The following IQCH variants were observed in gnomAD, a reference collection of about 807,000 sequenced individuals.
IQCH encodes IQ motif containing H, also known as IQ domain-containing protein H.
In IQCH, 98 loss-of-function variants were observed where a neutral mutation model predicts 117.0. The ratio of observed to expected loss-of-function variants is 0.84; its 90% CI spans 0.71 to 0.99. The LOEUF (loss-of-function observed/expected upper bound fraction) is 0.99, where lower values mean the gene tolerates loss of function less well. Among genes scored for constraint, IQCH ranks in the 50% least tolerant of loss-of-function variants. IQCH has a pLI of 0.00. For missense variants in IQCH, 1,102 were observed against 1,243.8 expected (o/e 0.89, Z 1.72); for synonymous variants, 412 against 448.2 (o/e 0.92, Z 1.02).
chr15:67,442,867 T>TAG (rs1567193299), intron 16 of IQCH, among the ~76,000 whole-genome samples: 3 of 114,474 alleles, frequency 2.6e-5, no homozygotes, highest in African/African-American at 9.7e-5. Flanking sequence ...TAGATAGATA[T>TAG]ACATATATAT....
chr15:67,361,416 C>T (rs894874345), intron 8 of IQCH, among the ~76,000 whole-genome samples: 1 of 152,192 alleles, frequency 6.6e-6, no homozygotes, highest in South Asian at 2.1e-4. Context: ...TAGTAAATGA[C>T]AGAGCCAACA....
rs527655649 is a variant in IQCH at position 67,474,179 on chromosome 15, T to C, written c.2677-1517T>C. The stretch of plus-strand genomic sequence containing the variant: ...AGCACTCAGTCAGCCCCAGTTCCCT[T>C]GCGTTATCTCAGAGACAGGAGGCGA... On this transcript the variant is annotated intron_variant, in intron 17 of 20. Coordinates refer to ENST00000335894, the MANE Select transcript of IQCH (RefSeq NM_001031715.3). The surrounding 1 kb of genome is among the most constrained non-coding windows in gnomAD (Gnocchi z 4.1). Among the ~76,000 whole-genome samples the C allele has an allele frequency of 4.0e-5, 6 of 151,558 alleles. No individual in the cohort carries two copies. The highest frequency in any genetic ancestry group is 2.1e-4 in the South Asian group (1 of 4,764).
rs1567170026 is a variant in IQCH at position 67,416,529 on chromosome 15, GAAAAAAC to G, written c.2098-389_2098-383del. Among the ~76,000 whole-genome samples, 3 of 150,046 alleles carry G rather than the reference GAAAAAAC, an allele frequency of 2.0e-5. No individual in the cohort carries two copies. The highest frequency in any genetic ancestry group is 3.0e-5 in the Non-Finnish European group (2 of 67,418). The stretch of plus-strand genomic sequence containing the variant: ...CAAAACTGCGTCTCAAAAAAAAAAA[GAAAAAAC>G]AAAAAACAAAAACAAAAAAAACAGT... On this transcript the variant is annotated intron_variant, in intron 14 of 20. Coordinates refer to ENST00000335894, the MANE Select transcript of IQCH (RefSeq NM_001031715.3). The surrounding 1 kb of genome is among the most constrained non-coding windows in gnomAD (Gnocchi z 5.1).
intron 15 of IQCH, among the ~76,000 whole-genome samples, chr15:67,418,351 T>C (rs527671507): frequency 4.6e-5 from 7 of 152,172 alleles, no homozygotes; most frequent in African/African-American, 1.7e-4. Context: ...TCTAACAAGA[T>C]TGCTGGAAAG....
At chr15:67,287,834 A>G (rs1185476014) in intron 4 of IQCH, among the ~76,000 whole-genome samples, 1 of 151,658 alleles carries the variant, frequency 6.6e-6, no homozygotes, top group African/African-American at 2.4e-5. Context: ...TTGTTAGGTT[A>G]TTTATTTGAA....
Position 67,376,772 on chromosome 15 carries a change from G to A in IQCH, c.1372+3339G>A, listed in dbSNP as rs868613467. Among the ~76,000 whole-genome samples, 4 of 152,082 alleles carry A rather than the reference G, an allele frequency of 2.6e-5. No individual in the cohort carries two copies. The highest frequency in any genetic ancestry group is 9.7e-5 in the African/African-American group (4 of 41,390). Reference sequence around the variant, plus strand: ...TTTATAAAGTATTTTAAAATCTGTGGCTTGGTAATATGAACAGTAAGACAA... The same window carrying A: ...TTTATAAAGTATTTTAAAATCTGTGACTTGGTAATATGAACAGTAAGACAA... On this transcript the variant is annotated intron_variant, in intron 10 of 20. Transcript: ENST00000335894. This position sits in a 1 kb window ranked among gnomAD's most constrained non-coding sequence, Gnocchi z 5.0.
chr15:67,285,839 C>T (rs940009311), intron 4 of IQCH, among the ~76,000 whole-genome samples: 7 of 152,102 alleles, frequency 4.6e-5, no homozygotes, highest in Non-Finnish European at 1.0e-4. Context: ...GTTACTATAG[C>T]TTTGTAGTAT....
intron 4 of IQCH, among the ~76,000 whole-genome samples, chr15:67,293,265 CT>C (rs1966811244): frequency 6.6e-6 from 1 of 152,162 alleles, no homozygotes; most frequent in Non-Finnish European, 1.5e-5. Context: ...TCTCATGGAG[CT>C]TACATTCTAA....
intron 8 of IQCH, 54 bp from the exon 9 acceptor site, chr15:67,372,057 T>G: frequency 6.9e-7 from 1 of 1,448,726 alleles, no homozygotes; most frequent in East Asian, 2.3e-5. Flanking sequence ...ACCACTCATT[T>G]AAAGGAGATC....
intron 10 of IQCH, among the ~76,000 whole-genome samples, chr15:67,379,396 G>A (rs1970844942): frequency 6.6e-6 from 1 of 152,132 alleles, no homozygotes; most frequent in African/African-American, 2.4e-5. Context: ...TTTGTAACTT[G>A]TAAGAGAACA....
At chr15:67,337,678 G>A (rs907069601) in intron 5 of IQCH, among the ~76,000 whole-genome samples, 8 of 152,138 alleles carry the variant, frequency 5.3e-5, no homozygotes, top group Middle Eastern at 3.2e-3. Flanking sequence ...GAATAAGCAA[G>A]CGAGTGACCA....
chr15:67,374,061 TAAAA>T (rs1567137475), intron 10 of IQCH: 2 of 152,542 alleles, frequency 1.3e-5, no homozygotes, highest in Non-Finnish European at 2.9e-5. Context: ...TTGGGGAACT[TAAAA>T]GCTGTTGTCT....
At chr15:67,267,429 G>A (rs1000740294) in intron 3 of IQCH, among the ~76,000 whole-genome samples, 5 of 152,240 alleles carry the variant, frequency 3.3e-5, no homozygotes, top group Non-Finnish European at 5.9e-5. Context: ...TCTCTGGGAT[G>A]AGCATGACTG....
chr15:67,336,867 T>C, intron 4 of IQCH, 108 bp from the exon 5 acceptor site: 2 of 1,082,246 alleles, frequency 1.8e-6, no homozygotes, highest in Admixed American at 4.8e-5. Context: ...ATTGCTACTT[T>C]ATTAAAACTT....
At chr15:67,410,924 G>C (rs1432036074) in intron 14 of IQCH, among the ~76,000 whole-genome samples, 1 of 152,128 alleles carries the variant, frequency 6.6e-6, no homozygotes, top group Non-Finnish European at 1.5e-5. Context: ...TAGCAATTGG[G>C]TTTGAATCCC....
chr15:67,333,683 A>G (rs927950798), intron 4 of IQCH, among the ~76,000 whole-genome samples: 2 of 152,234 alleles, frequency 1.3e-5, no homozygotes, highest in East Asian at 3.8e-4. Context: ...ATATGCCAAA[A>G]TATTAACAAT....
rs1326183282 is a variant in IQCH, at chr15:67,436,969, C to T, written c.2505+15392C>T. Among the ~76,000 whole-genome samples, 1 of 152,002 alleles carries T rather than the reference C, an allele frequency of 6.6e-6. No homozygotes were observed. Among genetic ancestry groups the T allele is most frequent in the Non-Finnish European group, 1.5e-5 (1 of 68,010 alleles). ...ACCTGATGGTCCTTCCCTATCCACC[C>T]TGGTAGCAGAAGACAAAGGGCATAT... On this transcript the variant is annotated intron_variant, in intron 16 of 20. Transcript: ENST00000335894. This position sits in a 1 kb window ranked among gnomAD's most constrained non-coding sequence, Gnocchi z 5.1.
Position 67,395,257 on chromosome 15 carries a change from A to G in IQCH, c.1633-34A>G. 2 of 1,587,858 alleles carry G rather than the reference A, an allele frequency of 1.3e-6. No homozygotes were observed. The highest frequency in any genetic ancestry group is 1.7e-6 in the Non-Finnish European group (2 of 1,166,462). Reference sequence around the variant, plus strand: ...AGGTGTATGGACTAGAAAAAAGGACACCTTTTAACAAGAATAATATGATCT... The same window carrying G: ...AGGTGTATGGACTAGAAAAAAGGACGCCTTTTAACAAGAATAATATGATCT... On this transcript the variant is annotated intron_variant, in intron 12 of 20. Coordinates refer to ENST00000335894, the MANE Select transcript of IQCH (RefSeq NM_001031715.3). This position sits in a 1 kb window ranked among gnomAD's most constrained non-coding sequence, Gnocchi z 4.0.
At chr15:67,304,114 T>TG (rs917278205) in intron 4 of IQCH, among the ~76,000 whole-genome samples, 13 of 152,132 alleles carry the variant, frequency 8.5e-5, no homozygotes, top group Non-Finnish European at 1.8e-4. Context: ...GATGTATTTG[T>TG]GGGAGCAATG....
Sources: allele counts gnomAD v4.1 joint callset (sites outside exome capture counted in the v4.1 genomes callset), GRCh38; gene constraint gnomAD v4.1.1; non-coding constraint Gnocchi (gnomAD v3.1); transcripts MANE v1.5; gene names NCBI Gene and HGNC (gene_info 2026-07-23, HGNC 2026-07-21).